Variants in NR2C2 observed in about 807,000 individuals in gnomAD.
NR2C2 encodes the protein Nuclear hormone receptor TR4.
In NR2C2, 6 loss-of-function variants were observed where a neutral mutation model predicts 62.9. That is an observed-to-expected ratio of 0.10 (90% confidence interval 0.05 to 0.19). The LOEUF (loss-of-function observed/expected upper bound fraction) is 0.19, where lower values mean the gene tolerates loss of function less well. Among genes scored for constraint, NR2C2 ranks in the 10% least tolerant of loss-of-function variants. NR2C2 has a pLI of 1.00. For synonymous variants in NR2C2, 272 were observed against 273.8 expected, an observed-to-expected ratio of 0.99 and a Z score of 0.07; for missense variants, 479 against 762.7, an observed-to-expected ratio of 0.63 and a Z score of 4.38.
rs1291148041 is a variant in NR2C2 at position 15,043,986 on chromosome 3, CA to C, written c.*980del. 1 of 152,156 alleles carries C rather than the reference CA, an allele frequency of 6.6e-6. No individual in the cohort carries two copies. The highest frequency in any genetic ancestry group is 6.5e-5 in the Admixed American group (1 of 15,270). 9.4% of individuals were successfully genotyped at this position (152,156 alleles called of 1,614,324 possible). A position where few individuals can be genotyped will look rare whatever the true frequency, so the allele number is the denominator to read the frequency against. On this transcript the variant is annotated 3_prime_UTR_variant, in exon 14 of 14. Transcript: ENST00000425241. ...TGAGCTCTTGACAGTACTTCCAATA[CA>C]ATTGGGGGTGCTTGTGTGTTTGTCC...
intron 7 of NR2C2, among the ~76,000 whole-genome samples, chr3:15,027,979 C>T (rs1168186310): frequency 6.6e-6 from 1 of 152,054 alleles, no homozygotes; most frequent in Non-Finnish European, 1.5e-5. Context: ...CTTCTTCAGC[C>T]TCCCAAGTAC....
intron 2 of NR2C2, among the ~76,000 whole-genome samples, chr3:15,005,041 C>T (rs143834994): frequency 0.023 from 3,519 of 151,490 alleles, 71 homozygotes; most frequent in Non-Finnish European, 0.038. Flanking sequence ...GCATGAGCCA[C>T]CATGCCCAGC....
chr3:15,011,425 C>T lies in NR2C2; in HGVS notation c.73-2164C>T, dbSNP rs77412142. Among the ~76,000 whole-genome samples the T allele has an allele frequency of 3.2e-4, 49 of 152,330 alleles. 2 individuals carry two copies. The East Asian group carries it at 9.3e-3, about 29-fold the overall frequency. On this transcript the variant is annotated intron_variant, in intron 2 of 13. Coordinates refer to ENST00000425241, the MANE Select transcript of NR2C2 (RefSeq NM_001291694.2). ...CAAAGGCCATCTTCTTTATCTAAGG[C>T]AAGAATCCCTTCTGTGGCAGCTGAG...
intron 1 of NR2C2, among the ~76,000 whole-genome samples, chr3:14,961,957 T>C (rs949170982): frequency 6.6e-6 from 1 of 152,220 alleles, no homozygotes; most frequent in African/African-American, 2.4e-5. Flanking sequence ...AGGGTTTTGC[T>C]TCTCACTTTG....
At chr3:15,008,929 T>C (rs971943115) in intron 2 of NR2C2, among the ~76,000 whole-genome samples, 2 of 152,074 alleles carry the variant, frequency 1.3e-5, no homozygotes, top group African/African-American at 4.8e-5. Flanking sequence ...CTATAATAAA[T>C]ATGGTACTTG....
chr3:15,034,933 T>C (rs1427938418), intron 11 of NR2C2, 124 bp downstream of exon 11: 3 of 999,190 alleles, frequency 3.0e-6, no homozygotes, highest in Non-Finnish European at 2.9e-6. Flanking sequence ...GCTGGCAACA[T>C]AGCAAATTGG....
chr3:14,949,696 A>G (rs2039286253), intron 1 of NR2C2, among the ~76,000 whole-genome samples: 2 of 152,210 alleles, frequency 1.3e-5, no homozygotes, highest in South Asian at 4.1e-4. Context: ...TACTCCAGGC[A>G]CTATGTGCTA....
Position 15,045,448 on chromosome 3 carries a change from G to A in NR2C2, c.*2440G>A, listed in dbSNP as rs2042416136. On this transcript the variant is annotated 3_prime_UTR_variant, in exon 14 of 14. Coordinates refer to ENST00000425241, the MANE Select transcript of NR2C2 (RefSeq NM_001291694.2). ...CTTGGAAAGGTGCTGATTCTAACCTGGTCCTGCTCTTTAAGTCCCCTTGCT... is the reference window on the plus strand; with the variant it reads ...CTTGGAAAGGTGCTGATTCTAACCTAGTCCTGCTCTTTAAGTCCCCTTGCT... 1 of 152,736 alleles carries A rather than the reference G, an allele frequency of 6.5e-6. No individual in the cohort carries two copies. Among genetic ancestry groups the A allele is most frequent in the Admixed American group, 6.5e-5 (1 of 15,278 alleles). 9.5% of individuals were successfully genotyped at this position (152,736 alleles called of 1,614,324 possible).
At chr3:14,983,876 ATTT>A (rs1168089351) in intron 1 of NR2C2, among the ~76,000 whole-genome samples, 1 of 151,764 alleles carries the variant, frequency 6.6e-6, no homozygotes, top group Non-Finnish European at 1.5e-5. Flanking sequence ...CTTGTTTTGT[ATTT>A]TTTTATTATT....
chr3:15,030,355 G>A lies in NR2C2; in HGVS notation c.1013G>A (p.Ser338Asn). 6.2e-7 allele frequency: 1 copy of A among 1,613,606 alleles called. No individual in the cohort carries two copies. The highest frequency in any genetic ancestry group is 2.2e-5 in the East Asian group (1 of 44,850). The change falls in exon 9 of 14, where the codon AGT becomes AAT. Residue 338 changes from serine to asparagine, a missense_variant. Physicochemically the swap from Ser to Asn is conservative, Grantham distance 46. Transcript: ENST00000425241. The part of the protein sequence containing the change: ...SPSLADGIDT[S>N]GGGSIHVISR... ...AGCTTGGCAGATGGGATAGACACCA[G>A]TGGAGGAGGGAGCATCCACGTCATC...
intron 1 of NR2C2, among the ~76,000 whole-genome samples, chr3:14,965,577 C>G (rs2039823270): frequency 7.0e-6 from 1 of 141,968 alleles, no homozygotes; most frequent in Non-Finnish European, 1.5e-5. Context: ...TAATGAAAGT[C>G]AGTCTCAATT....
Position 15,034,805 on chromosome 3 carries a change from G to A in NR2C2, c.1368G>A (p.Gln456=), listed in dbSNP as rs781287739. 2.5e-6 allele frequency: 4 copies of A among 1,611,674 alleles called. No homozygotes were observed. In the Admixed American group the frequency reaches 5.0e-5, roughly 20 times the overall value. Residue 456 remains glutamine (Q), a synonymous_variant, in exon 11 of 14, where the codon CAG becomes CAA. Transcript: ENST00000425241. The part of the protein sequence containing the change: ...AIVNHLQNSI[Q]EDKLSGDRIK... Reference sequence around the variant, plus strand: ...TCAACCACCTGCAGAACAGCATCCAGGAAGGTAGGGCACAGGGACTTGGGG... The same window carrying A: ...TCAACCACCTGCAGAACAGCATCCAAGAAGGTAGGGCACAGGGACTTGGGG...
chr3:14,956,497 T>C (rs552382115), intron 1 of NR2C2, among the ~76,000 whole-genome samples: 1 of 152,354 alleles, frequency 6.6e-6, no homozygotes, highest in East Asian at 1.9e-4. Flanking sequence ...TTGTACAGTT[T>C]AACAGGGCGA....
chr3:15,028,893 C>T (rs1324639428), intron 8 of NR2C2, among the ~76,000 whole-genome samples, 174 bp downstream of exon 8: 1 of 152,096 alleles, frequency 6.6e-6, no homozygotes, highest in Non-Finnish European at 1.5e-5. Flanking sequence ...GAACATAGAC[C>T]CACCTATGTT....
intron 1 of NR2C2, among the ~76,000 whole-genome samples, chr3:14,969,409 A>T (rs1029534645): frequency 2.0e-5 from 3 of 151,912 alleles, no homozygotes; most frequent in African/African-American, 7.3e-5. Flanking sequence ...CACCCAGCTA[A>T]TTTTTGTACT....
At position 15,042,528 on chromosome 3, in the gene NR2C2, A is replaced by G. The variant is rs142573180; in HGVS notation, c.1617-306A>G. 2.9e-3 allele frequency: 745 copies of G among 253,710 alleles called. 1 individual carries two copies. The highest frequency in any genetic ancestry group is 0.016 in the African/African-American group (701 of 44,086). The allele number at this position is 253,710 out of a possible 1,614,324, so 15.7% of individuals were successfully genotyped here. ...GTCTCTAGCAGTTCATCATATGAAG[A>G]CTCCTACTTTAGTCTGTCCTCTGTT... On this transcript the variant is annotated intron_variant, in intron 13 of 13. Coordinates refer to ENST00000425241, the MANE Select transcript of NR2C2 (RefSeq NM_001291694.2).
intron 7 of NR2C2, among the ~76,000 whole-genome samples, chr3:15,025,065 G>C (rs1245829423): frequency 6.6e-6 from 1 of 152,232 alleles, no homozygotes; most frequent in Admixed American, 6.5e-5. Context: ...CTGTCTTTGG[G>C]CAGGGGCCAC....
intron 1 of NR2C2, among the ~76,000 whole-genome samples, chr3:14,952,802 C>CT (rs1342786556): frequency 6.6e-6 from 1 of 152,198 alleles, no homozygotes; most frequent in African/African-American, 2.4e-5. Context: ...CCCACTATTG[C>CT]TACCCGAGGT....
intron 1 of NR2C2, among the ~76,000 whole-genome samples, chr3:14,950,495 A>G (rs761660466): frequency 6.9e-6 from 1 of 145,318 alleles, no homozygotes; most frequent in Non-Finnish European, 1.5e-5. Flanking sequence ...CCTACCTTCA[A>G]CTTCCTTGAC....
Sources: allele counts gnomAD v4.1 joint callset (sites outside exome capture counted in the v4.1 genomes callset), GRCh38; gene constraint gnomAD v4.1.1; transcripts MANE v1.5; gene names NCBI Gene and HGNC (gene_info 2026-07-23, HGNC 2026-07-21).